The following PPARGC1A variants were observed in gnomAD, a reference collection of about 807,000 sequenced individuals.
PPARGC1A encodes peroxisome proliferator-activated receptor gamma coactivator 1-alpha.
Under a neutral mutation model 88.7 loss-of-function variants are expected in PPARGC1A, and 25 were observed. The observed-to-expected ratio is 0.28, with a 90% CI of 0.21 to 0.39. The LOEUF (loss-of-function observed/expected upper bound fraction) is 0.39. PPARGC1A is among the 10% of genes least tolerant of loss of function. The pLI is 1.00. For synonymous variants in PPARGC1A, 363 were observed against 355.6 expected (o/e 1.02, Z -0.24); for missense variants, 880 against 968.7 (o/e 0.91, Z 1.22).
the PPARGC1A span, among the ~76,000 whole-genome samples, chr4:24,394,381 G>T: frequency 6.6e-6 from 1 of 152,192 alleles, no homozygotes; most frequent in Non-Finnish European, 1.5e-5. Flanking sequence ...TTTGTAACTT[G>T]TATGGACCCT....
chr4:24,044,393 G>C, the PPARGC1A span, among the ~76,000 whole-genome samples: 2 of 152,174 alleles, frequency 1.3e-5, no homozygotes, highest in African/African-American at 4.8e-5. Flanking sequence ...ATGCCTGCAA[G>C]CACAGCAAAA....
At chr4:24,333,803 G>A in the PPARGC1A span, among the ~76,000 whole-genome samples, 17 of 151,610 alleles carry the variant, frequency 1.1e-4, no homozygotes, top group South Asian at 6.3e-4. Context: ...GTGTAGTGGC[G>A]GGTGCCTGTA....
the PPARGC1A span, among the ~76,000 whole-genome samples, chr4:24,255,262 A>G: frequency 2.6e-5 from 4 of 152,334 alleles, no homozygotes; most frequent in East Asian, 7.7e-4. Flanking sequence ...TGAGTATTCC[A>G]TCAAAACACC....
At chr4:24,243,123 C>T in the PPARGC1A span, among the ~76,000 whole-genome samples, 1 of 152,140 alleles carries the variant, frequency 6.6e-6, no homozygotes, top group Non-Finnish European at 1.5e-5. Flanking sequence ...CCCTAGCCCC[C>T]AGCAAAGTAC....
the PPARGC1A span, among the ~76,000 whole-genome samples, chr4:24,468,806 C>T: frequency 6.6e-6 from 1 of 151,850 alleles, no homozygotes; most frequent in Non-Finnish European, 1.5e-5. Context: ...TAACGAGAGG[C>T]GTCATAATCA....
chr4:24,339,265 C>CACACACACACACACACAT, the PPARGC1A span, among the ~76,000 whole-genome samples: 1 of 148,910 alleles, frequency 6.7e-6, no homozygotes, highest in African/African-American at 2.5e-5. Flanking sequence ...CACACACACA[C>CACACACACACACACACAT]ATCAGAATTC....
chr4:24,068,855 C>G, the PPARGC1A span, among the ~76,000 whole-genome samples: 2 of 152,162 alleles, frequency 1.3e-5, no homozygotes, highest in Non-Finnish European at 2.9e-5. Context: ...CATGGACCCT[C>G]ATGGTACCAT....
At chr4:23,935,258 C>A in the PPARGC1A span, among the ~76,000 whole-genome samples, 1 of 152,202 alleles carries the variant, frequency 6.6e-6, no homozygotes, top group Admixed American at 6.5e-5. Flanking sequence ...CAGTAAGTTT[C>A]CTAAGAGCCA....
chr4:23,846,679 C>T (rs1560434092), intron 2 of PPARGC1A, among the ~76,000 whole-genome samples: 1 of 152,068 alleles, frequency 6.6e-6, no homozygotes, highest in South Asian at 2.1e-4. Context: ...ATGTGTCGGA[C>T]ACTCTTGACA....
At chr4:24,447,950 A>G in the PPARGC1A span, among the ~76,000 whole-genome samples, 4 of 152,306 alleles carry the variant, frequency 2.6e-5, no homozygotes, top group South Asian at 2.1e-4. Flanking sequence ...ACATTAAAAC[A>G]CGCATTTTTA....
chr4:23,936,728 A>C, the PPARGC1A span, among the ~76,000 whole-genome samples: 12 of 152,022 alleles, frequency 7.9e-5, no homozygotes, highest in Non-Finnish European at 1.5e-4. Context: ...AAAATTAACT[A>C]GGCGTCTTGG....
the PPARGC1A span, among the ~76,000 whole-genome samples, chr4:24,120,594 GA>G: frequency 9.2e-5 from 14 of 152,268 alleles, no homozygotes. Context: ...GCTATGGTCT[GA>G]ATGTTTGTGT....
the PPARGC1A span, among the ~76,000 whole-genome samples, chr4:24,073,709 A>C: frequency 1.3e-5 from 2 of 152,120 alleles, no homozygotes; most frequent in Non-Finnish European, 2.9e-5. Flanking sequence ...GATGGGGAAA[A>C]CATGGAGGTT....
At chr4:24,348,524 T>C in the PPARGC1A span, among the ~76,000 whole-genome samples, 1 of 152,170 alleles carries the variant, frequency 6.6e-6, no homozygotes, top group East Asian at 1.9e-4. Flanking sequence ...TTCTTTGTCT[T>C]TGTTGAATTA....
chr4:24,311,248 C>G, the PPARGC1A span, among the ~76,000 whole-genome samples: 4 of 148,202 alleles, frequency 2.7e-5, no homozygotes, highest in Non-Finnish European at 6.0e-5. Context: ...TACAGGCGCC[C>G]GCCACCACGC....
chr4:23,919,656 G>A, the PPARGC1A span, among the ~76,000 whole-genome samples: 1 of 151,136 alleles, frequency 6.6e-6, no homozygotes, highest in Non-Finnish European at 1.5e-5. Flanking sequence ...CTCTCCTCTT[G>A]CTTCAGCCCT....
the PPARGC1A span, among the ~76,000 whole-genome samples, chr4:24,050,194 C>CTT: frequency 0.74 from 93,632 of 127,014 alleles, 37,495 homozygotes; most frequent in Non-Finnish European, 0.85. Flanking sequence ...CTTAGGTGAC[C>CTT]TTTTGTTTTT....
the PPARGC1A span, among the ~76,000 whole-genome samples, chr4:24,025,814 G>A: frequency 2.0e-5 from 3 of 152,110 alleles, no homozygotes; most frequent in African/African-American, 4.8e-5. Flanking sequence ...CCAGGTGTAG[G>A]TGATGTATAA....
the PPARGC1A span, among the ~76,000 whole-genome samples, chr4:24,152,078 T>C: frequency 6.6e-6 from 1 of 152,146 alleles, no homozygotes; most frequent in Non-Finnish European, 1.5e-5. Flanking sequence ...TGGATACAAA[T>C]TCCCCCATGG....
Sources: allele counts gnomAD v4.1 joint callset (sites outside exome capture counted in the v4.1 genomes callset), GRCh38; gene constraint gnomAD v4.1.1; transcripts MANE v1.5; gene names NCBI Gene and HGNC (gene_info 2026-07-23, HGNC 2026-07-21).